EXOC4: variants seen among roughly 807,000 people sequenced by gnomAD.
EXOC4 encodes exocyst complex component 4.
A neutral mutation model predicts 107.2 loss-of-function variants in EXOC4; 71 were observed. The observed-to-expected ratio is 0.66, with a 90% CI of 0.55 to 0.81. The LOEUF (loss-of-function observed/expected upper bound fraction) is 0.81, where lower values mean the gene tolerates loss of function less well. EXOC4 is among the 30% of genes least tolerant of loss of function. EXOC4 has a pLI of 0.00. For missense variants in EXOC4, 1,108 were observed against 1,189.6 expected (o/e 0.93, Z 1.01); for synonymous variants, 456 against 441.2 (o/e 1.03, Z -0.42).
At chr7:133,444,771 G>A (rs1383819101) in intron 7 of EXOC4, among the ~76,000 whole-genome samples, 1 of 152,130 alleles carries the variant, frequency 6.6e-6, no homozygotes, top group Non-Finnish European at 1.5e-5. Flanking sequence ...TGGGATGCCT[G>A]TGGGACATGA....
chr7:133,876,922 A>G (rs1798862261), intron 11 of EXOC4, among the ~76,000 whole-genome samples: 1 of 151,648 alleles, frequency 6.6e-6, no homozygotes. Context: ...GTTATCTTCC[A>G]TTTGAGATTT....
intron 8 of EXOC4, among the ~76,000 whole-genome samples, chr7:133,478,482 G>T (rs183699853): frequency 1.8e-4 from 28 of 152,262 alleles, no homozygotes; most frequent in Admixed American, 5.9e-4. Flanking sequence ...GTGTGTCTGA[G>T]CAGGTCTCAG....
At chr7:133,437,474 A>G (rs1452723041) in intron 7 of EXOC4, among the ~76,000 whole-genome samples, 1 of 152,218 alleles carries the variant, frequency 6.6e-6, no homozygotes, top group Non-Finnish European at 1.5e-5. Context: ...AATGCTGGAC[A>G]ATGAAGAAGA....
intron 7 of EXOC4, among the ~76,000 whole-genome samples, chr7:133,438,493 A>G: frequency 6.6e-6 from 1 of 152,026 alleles, no homozygotes; most frequent in East Asian, 1.9e-4. Context: ...GGGGGTTGTT[A>G]TTATCTAATA....
chr7:133,263,374 C>CTTTTTTT (rs920302686), intron 1 of EXOC4, among the ~76,000 whole-genome samples: 39 of 83,968 alleles, frequency 4.6e-4, no homozygotes, highest in Middle Eastern at 0.016. Context: ...AAAAAGCATT[C>CTTTTTTT]TTTTTTTTTT....
chr7:133,938,138 T>G, intron 14 of EXOC4, 69 bp downstream of exon 14: 1 of 1,519,330 alleles, frequency 6.6e-7, no homozygotes, highest in Non-Finnish European at 9.1e-7. Flanking sequence ...CATTGAAAGA[T>G]GAGAGTGTAC....
At chr7:133,602,870 G>T (rs1276552357) in intron 9 of EXOC4, among the ~76,000 whole-genome samples, 2 of 152,160 alleles carry the variant, frequency 1.3e-5, no homozygotes, top group African/African-American at 4.8e-5. Context: ...AATGGAAAAT[G>T]AACTCCATTC....
At position 133,812,186 on chromosome 7, in the gene EXOC4, A is replaced by C. The variant is rs78261680; in HGVS notation, c.1515-5139A>C. Among the ~76,000 whole-genome samples, 721 of 152,254 alleles carry C rather than the reference A, an allele frequency of 4.7e-3. 10 individuals are homozygous for C. The highest frequency in any genetic ancestry group is 0.017 in the African/African-American group (695 of 41,538). On this transcript the variant is annotated intron_variant, in intron 10 of 17. Transcript: ENST00000253861. Reference sequence around the variant, plus strand: ...CATACAATATTTCACACTTTCCTCTAATCTCCAGCCTCATCAGAGTTTATG... The same window carrying C: ...CATACAATATTTCACACTTTCCTCTCATCTCCAGCCTCATCAGAGTTTATG...
At chr7:133,818,142 T>A (rs1797420417) in intron 11 of EXOC4, among the ~76,000 whole-genome samples, 1 of 152,224 alleles carries the variant, frequency 6.6e-6, no homozygotes, top group Admixed American at 6.5e-5. Context: ...ATTAATAGGC[T>A]TGAGGCATAT....
chr7:133,734,068 C>T (rs1174226273), intron 10 of EXOC4, among the ~76,000 whole-genome samples: 1 of 152,182 alleles, frequency 6.6e-6, no homozygotes, highest in Non-Finnish European at 1.5e-5. Flanking sequence ...CATTCCTGCT[C>T]AACTCAATAT....
chr7:133,600,744 A>G (rs888546061), intron 9 of EXOC4, among the ~76,000 whole-genome samples: 4 of 152,178 alleles, frequency 2.6e-5, no homozygotes, highest in Non-Finnish European at 5.9e-5. Context: ...CTTTATTCCC[A>G]GCGGCCTTTT....
At chr7:133,568,773 CT>C (rs1219199282) in intron 9 of EXOC4, among the ~76,000 whole-genome samples, 1 of 152,052 alleles carries the variant, frequency 6.6e-6, no homozygotes, top group African/African-American at 2.4e-5. Flanking sequence ...TTCATCCTTT[CT>C]TTGTATGGGA....
chr7:133,927,935 C>T (rs929906094), intron 13 of EXOC4, among the ~76,000 whole-genome samples: 5 of 152,014 alleles, frequency 3.3e-5, no homozygotes, highest in Admixed American at 6.6e-5. Context: ...AAAATGATAC[C>T]ATTCTTGTTA....
At chr7:133,767,425 C>T (rs1796161473) in intron 10 of EXOC4, among the ~76,000 whole-genome samples, 1 of 151,740 alleles carries the variant, frequency 6.6e-6, no homozygotes, top group South Asian at 2.1e-4. Flanking sequence ...TCCAATTAAA[C>T]AGTGGCCTTT....
At chr7:133,972,473 G>A (rs776510196) in intron 14 of EXOC4, among the ~76,000 whole-genome samples, 17 of 152,070 alleles carry the variant, frequency 1.1e-4, no homozygotes, top group African/African-American at 3.9e-4. Flanking sequence ...TAGGGAGTTC[G>A]TTACTTATCT....
At chr7:133,680,242 G>C (rs1015676361) in intron 10 of EXOC4, among the ~76,000 whole-genome samples, 3 of 152,004 alleles carry the variant, frequency 2.0e-5, no homozygotes, top group African/African-American at 7.3e-5. Context: ...ACCAACTCAG[G>C]CATATGGGCC....
At chr7:133,276,448 T>G (rs1793993925) in intron 2 of EXOC4, among the ~76,000 whole-genome samples, 1 of 152,226 alleles carries the variant, frequency 6.6e-6, no homozygotes, top group Admixed American at 6.5e-5. Flanking sequence ...TTATGTCCAA[T>G]CATCTCAATG....
chr7:133,506,579 T>A (rs1799669884), intron 9 of EXOC4, among the ~76,000 whole-genome samples: 1 of 152,174 alleles, frequency 6.6e-6, no homozygotes, highest in Non-Finnish European at 1.5e-5. Flanking sequence ...GATACTCCTT[T>A]AATATAGAAG....
chr7:133,264,058 G>C (rs764085088), intron 1 of EXOC4, among the ~76,000 whole-genome samples: 2 of 152,154 alleles, frequency 1.3e-5, no homozygotes, highest in Non-Finnish European at 2.9e-5. Flanking sequence ...AGGATGTGGG[G>C]CTGCAAAAGA....
Sources: gnomAD v4.1 joint callset for allele counts (sites outside exome capture counted in the v4.1 genomes callset) on GRCh38, gnomAD v4.1.1 for gene constraint, MANE v1.5 for transcripts, NCBI Gene and HGNC (gene_info 2026-07-23, HGNC 2026-07-21) for gene names.